MTPAP: variants seen among roughly 807,000 people sequenced by gnomAD.
MTPAP encodes the protein mitochondrial poly(A) polymerase.
Under a neutral mutation model 48.7 loss-of-function variants are expected in MTPAP, and 23 were observed. The observed-to-expected ratio is 0.47, with a 90% CI of 0.34 to 0.67. MTPAP has a LOEUF of 0.67. Among genes scored for constraint, MTPAP ranks in the 30% least tolerant of loss-of-function variants. The pLI is 0.01. For missense variants in MTPAP, 614 were observed against 694.3 expected, an observed-to-expected ratio of 0.88 and a Z score of 1.30; for synonymous variants, 257 against 254.1, an observed-to-expected ratio of 1.01 and a Z score of -0.11.
intron 1 of MTPAP, among the ~76,000 whole-genome samples, chr10:30,347,640 C>G (rs1452221649): frequency 6.6e-6 from 1 of 152,190 alleles, no homozygotes; most frequent in Non-Finnish European, 1.5e-5. Flanking sequence ...GCCTGTAATC[C>G]CAGCACTTTG....
rs115513085 is a variant in MTPAP, at chr10:30,339,315, C to T, written c.555+911G>A. On this transcript the variant is annotated intron_variant, in intron 3 of 8. Coordinates refer to ENST00000263063, the MANE Select transcript of MTPAP (RefSeq NM_018109.4). ...CAGCCTGGCCAAAGTGGCGAAACTC[C>T]GTCACTACTAAAAATACAAAAGTTA... is the stretch of plus-strand genomic sequence containing the variant. Among the ~76,000 whole-genome samples the T allele has an allele frequency of 5.9e-3, 901 of 151,850 alleles. 5 individuals are homozygous for T. Among genetic ancestry groups the T allele is most frequent in the African/African-American group, 0.02 (848 of 41,402 alleles).
chr10:30,318,804 G>A (rs1840689868), intron 6 of MTPAP, among the ~76,000 whole-genome samples: 1 of 152,242 alleles, frequency 6.6e-6, no homozygotes, highest in South Asian at 2.1e-4. Context: ...ACTATTCCGA[G>A]AACAGAAGAC....
At chr10:30,330,592 GA>G (rs1367508906) in intron 4 of MTPAP, among the ~76,000 whole-genome samples, 11 of 152,330 alleles carry the variant, frequency 7.2e-5, no homozygotes, top group African/African-American at 1.9e-4. Flanking sequence ...CTGATTAATG[GA>G]ACTGGGCGCA....
intron 5 of MTPAP, 128 bp downstream of exon 5, chr10:30,326,296 T>C: frequency 1.2e-6 from 1 of 835,046 alleles, no homozygotes; most frequent in Non-Finnish European, 1.9e-6. Context: ...TCAATCCAAG[T>C]GATAAATTTT....
intron 4 of MTPAP, among the ~76,000 whole-genome samples, chr10:30,335,189 A>T (rs1213935547): frequency 6.6e-6 from 1 of 152,236 alleles, no homozygotes; most frequent in Non-Finnish European, 1.5e-5. Flanking sequence ...AACATTTTAT[A>T]AAAACACATA....
chr10:30,336,454 A>C (rs1834731630), intron 4 of MTPAP, among the ~76,000 whole-genome samples: 1 of 152,180 alleles, frequency 6.6e-6, no homozygotes. Flanking sequence ...CATGAGATGT[A>C]AAAACATCTC....
Position 30,349,252 on chromosome 10 carries a change from G to T in MTPAP, c.24C>A (p.Leu8=), listed in dbSNP as rs1305825555. Residue 8 remains leucine (L), a synonymous_variant, in exon 1 of 9, where the codon CTC becomes CTA. Transcript: ENST00000263063. The part of the protein sequence containing the change: MAVPGVG[L]LTRLNLCARR... ...GGGCACACAGGTTCAAACGGGTCAA[G>T]AGCCCCACGCCGGGAACCGCCATTG... 7.2e-7 allele frequency: 1 copy of T among 1,394,898 alleles called. No individual in the cohort carries two copies. Among genetic ancestry groups the T allele is most frequent in the African/African-American group, 1.5e-5 (1 of 66,448 alleles). The allele number at this position is 1,394,898 out of a possible 1,614,324, so 86.4% of individuals were successfully genotyped here. A position where few individuals can be genotyped will look rare whatever the true frequency, so the allele number is the denominator to read the frequency against.
intron 4 of MTPAP, among the ~76,000 whole-genome samples, chr10:30,334,294 T>C (rs1008759553): frequency 2.0e-5 from 3 of 152,166 alleles, no homozygotes; most frequent in Non-Finnish European, 2.9e-5. Context: ...CACTCCTGAG[T>C]GAAGGCACAG....
intron 8 of MTPAP, among the ~76,000 whole-genome samples, chr10:30,314,884 C>CAAAAAAAAAAAAA (rs34249388): frequency 6.0e-3 from 665 of 110,172 alleles, no homozygotes; most frequent in Middle Eastern, 0.044. Flanking sequence ...AAAACAAAAA[C>CAAAAAAAAAAAAA]AAAAAAAAAA....
In MTPAP at chr10:30,313,730, T is replaced by G. The variant is rs752913555; in HGVS notation, c.1628A>C (p.Lys543Thr). Residue 543 changes from lysine to threonine, a missense_variant, in exon 9 of 9, where the codon AAG becomes ACG. Coordinates refer to ENST00000263063, the MANE Select transcript of MTPAP (RefSeq NM_018109.4). ...AATTGCAAACTTATTGCTTTTCTTC[T>G]TGGTAAAGGACTTTCTGTTTGGAGC... ...PSAPNRKSFT[K>T]KKSNKFAIET... 38 of 1,614,114 alleles carry G rather than the reference T, an allele frequency of 2.4e-5. No individual in the cohort carries two copies. The African/African-American group carries it at 4.3e-4, about 18-fold the overall frequency.
chr10:30,318,736 T>G (rs2132846762), intron 6 of MTPAP, among the ~76,000 whole-genome samples: 1 of 152,354 alleles, frequency 6.6e-6, no homozygotes, highest in South Asian at 2.1e-4. Flanking sequence ...CCCTCAACTT[T>G]AAAATGTTAT....
At chr10:30,340,760 A>T (rs1834794370) in intron 2 of MTPAP, among the ~76,000 whole-genome samples, 1 of 152,102 alleles carries the variant, frequency 6.6e-6, no homozygotes, top group African/African-American at 2.4e-5. Flanking sequence ...CTCTACTAAA[A>T]ATACAAAAAT....
In MTPAP at chr10:30,349,140, G is replaced by T. The variant is rs775432161; in HGVS notation, c.136C>A (p.Pro46Thr). 2 of 1,613,798 alleles carry T rather than the reference G, an allele frequency of 1.2e-6. No individual in the cohort carries two copies. Among genetic ancestry groups the T allele is most frequent in the South Asian group, 2.2e-5 (2 of 91,064 alleles). ...VAKDLRRDEQ[P>T]SGSVETGFED... ...TCACCTGTCTCCACGCTCCCTGAAG[G>T]CTGCTCGTCTCTCCTAAGGTCTTTG... Residue 46 changes from proline (P) to threonine (T), a missense_variant, in exon 1 of 9, where the codon CCT becomes ACT. Pro to Thr is a conservative substitution (Grantham distance 38). Around this residue, in one of 5 missense-constraint regions of MTPAP, gnomAD observed 125 missense variants for 111.5 expected, o/e 1.12. Transcript: ENST00000263063.
rs145214313 is a variant in MTPAP, at chr10:30,323,000, G to GC, written c.993-384dup. Among the ~76,000 whole-genome samples the GC allele has an allele frequency of 3.7e-3, 552 of 148,390 alleles. 2 individuals are homozygous for GC. The highest frequency in any genetic ancestry group is 0.013 in the African/African-American group (529 of 40,228). On this transcript the variant is annotated intron_variant, in intron 5 of 8. Transcript: ENST00000263063. ...ATAATTCAGCTGGGCGTGGTGGCGT[G>GC]CCCCCGTAATCCCAGCTACTCAGGA...
Position 30,337,021 on chromosome 10 carries a change from C to T in MTPAP, c.562G>A (p.Asp188Asn), listed in dbSNP as rs1163288473. 3.7e-6 allele frequency: 6 copies of T among 1,612,088 alleles called. No individual in the cohort carries two copies. The highest frequency in any genetic ancestry group is 2.2e-5 in the East Asian group (1 of 44,892). The change falls in exon 4 of 9, where the codon GAT (aspartate) becomes AAT (asparagine). Residue 188 changes from aspartate to asparagine, a missense_variant. Coordinates refer to ENST00000263063, the MANE Select transcript of MTPAP (RefSeq NM_018109.4). Reference protein sequence around the residue: ...ELLCYAESIDDQLNTLLKEFQ... With the variant: ...ELLCYAESIDNQLNTLLKEFQ... Reference sequence around the variant, plus strand: ...TCCTTCAAGAGAGTGTTCAGCTGATCGTCTATCTAGCTAGCCGAAACAAAA... The same window carrying T: ...TCCTTCAAGAGAGTGTTCAGCTGATTGTCTATCTAGCTAGCCGAAACAAAA...
At chr10:30,337,159 T>A (rs1834739811) in intron 3 of MTPAP, 132 bp from the exon 4 acceptor site, 3 of 821,900 alleles carry the variant, frequency 3.7e-6, no homozygotes, top group Non-Finnish European at 6.0e-6. Flanking sequence ...GCGCAGTGGC[T>A]CACGCCTGTA....
intron 6 of MTPAP, 142 bp downstream of exon 6, chr10:30,322,249 G>C: frequency 1.4e-6 from 1 of 726,972 alleles, no homozygotes; most frequent in Non-Finnish European, 2.3e-6. Context: ...ATCTGCTCTC[G>C]TGACTCCGGT....
At chr10:30,333,362 A>C (rs1834693413) in intron 4 of MTPAP, among the ~76,000 whole-genome samples, 1 of 152,206 alleles carries the variant, frequency 6.6e-6, no homozygotes, top group South Asian at 2.1e-4. Flanking sequence ...GTGCTATAAC[A>C]CCATTCCAAT....
At chr10:30,340,832 T>C (rs796354855) in intron 2 of MTPAP, among the ~76,000 whole-genome samples, 53 of 151,984 alleles carry the variant, frequency 3.5e-4, no homozygotes, top group African/African-American at 1.3e-3. Flanking sequence ...GGCAGGAGAA[T>C]CGCTTGAACC....
Sources: gnomAD v4.1 joint callset for allele counts (sites outside exome capture counted in the v4.1 genomes callset) on GRCh38, gnomAD v4.1.1 for gene constraint, gnomAD v4.1.1 regional missense constraint, MANE v1.5 for transcripts, NCBI Gene and HGNC (gene_info 2026-07-23, HGNC 2026-07-21) for gene names.